Variants in PCDHGB2 observed in about 807,000 individuals in gnomAD.
PCDHGB2 encodes protocadherin gamma-B2.
Under a neutral mutation model 59.3 loss-of-function variants are expected in PCDHGB2, and 55 were observed. The ratio of observed to expected loss-of-function variants is 0.93; its 90% CI spans 0.75 to 1.16. PCDHGB2 has a LOEUF of 1.16. Ranked by LOEUF, PCDHGB2 falls within the 50% of genes most tolerant of loss-of-function variation. The probability of loss-of-function intolerance (pLI) is 0.00; values close to 1 mark genes in which losing one functional copy is unlikely to be tolerated. For synonymous variants in PCDHGB2, 516 were observed against 512.0 expected, an observed-to-expected ratio of 1.01 and a Z score of -0.11; for missense variants, 1,228 against 1,198.5, an observed-to-expected ratio of 1.02 and a Z score of -0.36.
At chr5:141,388,353 G>T in intron 1 of PCDHGB2, 1 of 1,613,976 alleles carries the variant, frequency 6.2e-7, no homozygotes, top group Non-Finnish European at 8.5e-7. Context: ...ATTAGGATCT[G>T]CCCATGATGC....
chr5:141,480,578 A>G (rs1343189182), intron 1 of PCDHGB2, among the ~76,000 whole-genome samples: 1 of 133,254 alleles, frequency 7.5e-6, no homozygotes, highest in Admixed American at 7.4e-5. Context: ...GCAAGAAATA[A>G]CTGCCGCTCT....
At chr5:141,409,104 T>C in intron 1 of PCDHGB2, 3 of 1,613,960 alleles carry the variant, frequency 1.9e-6, no homozygotes, top group Non-Finnish European at 2.5e-6. Context: ...ACAGGTATGA[T>C]TAAGAATAAC....
chr5:141,430,952 C>G, intron 1 of PCDHGB2: 2 of 1,610,382 alleles, frequency 1.2e-6, no homozygotes, highest in African/African-American at 2.7e-5. Flanking sequence ...GCGCGGAGTC[C>G]GCATCATCCC....
Position 141,477,176 on chromosome 5 carries a change from G to A in PCDHGB2, c.2422-17631G>A. ...GAATGACAACGCCCCGGAGATCACA[G>A]TCACCTCCGTGTACAGCCCAGTACC... On this transcript the variant is annotated intron_variant, in intron 1 of 3. Transcript: ENST00000522605. The surrounding 1 kb of genome is among the most constrained non-coding windows in gnomAD (Gnocchi z 4.9). 2 of 1,614,206 alleles carry A rather than the reference G, an allele frequency of 1.2e-6. No individual in the cohort carries two copies. Among genetic ancestry groups the A allele is most frequent in the Admixed American group, 1.7e-5 (1 of 60,024 alleles).
At chr5:141,370,896 C>G in intron 1 of PCDHGB2, 1 of 1,614,040 alleles carries the variant, frequency 6.2e-7, no homozygotes, top group Non-Finnish European at 8.5e-7. Context: ...CAATTCGCTG[C>G]AGCAGTACTA....
Position 141,361,183 on chromosome 5 carries a change from A to C in PCDHGB2, c.1048A>C (p.Thr350Pro), listed in dbSNP as rs1461203772. The C allele has an allele frequency of 1.2e-6, 2 of 1,613,944 alleles. No homozygotes were observed. The highest frequency in any genetic ancestry group is 1.7e-6 in the Non-Finnish European group (2 of 1,179,888). The change falls in exon 1 of 4, where the codon ACT (threonine) becomes CCT (proline). Residue 350 changes from threonine (T) to proline (P), a missense_variant. By Grantham distance (38) the Thr-to-Pro change is conservative. Around this residue, in one of 3 missense-constraint regions of PCDHGB2, gnomAD observed 781 missense variants for 721.6 expected, o/e 1.08. Coordinates refer to ENST00000522605, the MANE Select transcript of PCDHGB2 (RefSeq NM_018923.3). ...DNDCAPEVIVTSVSTPLPEDS... is the reference protein window; with the variant it reads ...DNDCAPEVIVPSVSTPLPEDS... ...CGATTGTGCACCTGAAGTTATTGTG[A>C]CTTCAGTATCTACTCCCCTACCGGA...
Position 141,490,151 on chromosome 5 carries a change from T to A in PCDHGB2, c.2422-4656T>A, listed in dbSNP as rs1449636059. 6.2e-6 allele frequency: 10 copies of A among 1,614,210 alleles called. No homozygotes were observed. The highest frequency in any genetic ancestry group is 8.5e-6 in the Non-Finnish European group (10 of 1,180,018). On this transcript the variant is annotated intron_variant, in intron 1 of 3. Transcript: ENST00000522605. This position sits in a 1 kb window ranked among gnomAD's most constrained non-coding sequence, Gnocchi z 5.4. ...GACCCTAGCAGTGGGGCAATCCATG[T>A]GTTGGGTCCCATAGACTTTGAGGAG... is the stretch of plus-strand genomic sequence containing the variant.
chr5:141,390,246 C>T (rs1401463493), intron 1 of PCDHGB2: 5 of 1,613,922 alleles, frequency 3.1e-6, no homozygotes, highest in African/African-American at 1.3e-5. Context: ...GGCCTTATTT[C>T]CACTTTGTAA....
chr5:141,395,070 T>G lies in PCDHGB2; in HGVS notation c.2421+32514T>G. Reference sequence around the variant, plus strand: ...GGAGGTACAGGCTTTCCTGCAGACCTATTCCCAGGAAGTCTCCCTCACCGC... The same window carrying G: ...GGAGGTACAGGCTTTCCTGCAGACCGATTCCCAGGAAGTCTCCCTCACCGC... On this transcript the variant is annotated intron_variant, in intron 1 of 3. Transcript: ENST00000522605. 1 of 1,614,158 alleles carries G rather than the reference T, an allele frequency of 6.2e-7. No homozygotes were observed. The highest frequency in any genetic ancestry group is 1.3e-5 in the African/African-American group (1 of 75,046).
chr5:141,393,041 T>G, intron 1 of PCDHGB2: 2 of 1,613,702 alleles, frequency 1.2e-6, no homozygotes, highest in Non-Finnish European at 1.7e-6. Flanking sequence ...AGCTCTTTGC[T>G]CTGAACCCGC....
chr5:141,478,987 G>T (rs1007857792), intron 1 of PCDHGB2, among the ~76,000 whole-genome samples: 8 of 152,144 alleles, frequency 5.3e-5, no homozygotes, highest in African/African-American at 1.4e-4. Flanking sequence ...TGTGACATTT[G>T]TATTAAAACT....
At chr5:141,395,110 G>A (rs2150602560) in intron 1 of PCDHGB2, 1 of 1,614,214 alleles carries the variant, frequency 6.2e-7, no homozygotes, top group Admixed American at 1.7e-5. Context: ...TCGCGGAAGA[G>A]TCACCTGATC....
rs2099746025 is a variant in PCDHGB2 at position 141,493,066 on chromosome 5, T to C, written c.2422-1741T>C. On this transcript the variant is annotated intron_variant, in intron 1 of 3. Coordinates refer to ENST00000522605, the MANE Select transcript of PCDHGB2 (RefSeq NM_018923.3). This position sits in a 1 kb window ranked among gnomAD's most constrained non-coding sequence, Gnocchi z 4.3. ...AACTACAATAGTAAAAAACACAAGT[T>C]TCTCCAACTCCAGGAGCTTTTATTC... Among the ~76,000 whole-genome samples the C allele has an allele frequency of 6.6e-6, 1 of 152,202 alleles. No homozygotes were observed. Among genetic ancestry groups the C allele is most frequent in the East Asian group, 1.9e-4 (1 of 5,194 alleles).
At chr5:141,366,316 TGCCGTG>T in intron 1 of PCDHGB2, 1 of 1,613,764 alleles carries the variant, frequency 6.2e-7, no homozygotes, top group African/African-American at 1.3e-5. Context: ...CGGTCACCGT[TGCCGTG>T]GCCGACAGGA....
Position 141,418,384 on chromosome 5 carries a change from C to T in PCDHGB2, c.2421+55828C>T, listed in dbSNP as rs774636792. 5 of 1,613,982 alleles carry T rather than the reference C, an allele frequency of 3.1e-6. No homozygotes were observed. In the South Asian group the frequency reaches 4.4e-5, roughly 14 times the overall value. ...TGAGCAAATACCAACTAAGTCCTAA[C>T]GAGTATTTCTCATTGGTGGAGAAAG... is the stretch of plus-strand genomic sequence containing the variant. On this transcript the variant is annotated intron_variant, in intron 1 of 3. Coordinates refer to ENST00000522605, the MANE Select transcript of PCDHGB2 (RefSeq NM_018923.3).
At position 141,489,264 on chromosome 5, in the gene PCDHGB2, G is replaced by T. The variant is rs1314393358; in HGVS notation, c.2422-5543G>T. 10 of 1,553,088 alleles carry T rather than the reference G, an allele frequency of 6.4e-6. No individual in the cohort carries two copies. Among genetic ancestry groups the T allele is most frequent in the Non-Finnish European group, 7.0e-6 (8 of 1,149,620 alleles). ...TCATGGGGCCCAAGACACTCCCACA[G>T]CTCGCTGGGAAATGGCAAGTGCTGT... On this transcript the variant is annotated intron_variant, in intron 1 of 3. Transcript: ENST00000522605. The surrounding 1 kb of genome is among the most constrained non-coding windows in gnomAD (Gnocchi z 4.5).
chr5:141,423,299 C>T (rs1225422770), intron 1 of PCDHGB2: 2 of 1,614,128 alleles, frequency 1.2e-6, no homozygotes, highest in Non-Finnish European at 1.7e-6. Context: ...TCAGACCTCT[C>T]GCTGTACTTG....
chr5:141,412,215 C>T (rs1265657058), intron 1 of PCDHGB2: 1 of 152,240 alleles, frequency 6.6e-6, no homozygotes, highest in Non-Finnish European at 1.5e-5. Flanking sequence ...GACATAAACA[C>T]TTACTTGTTA....
chr5:141,477,262 C>A lies in PCDHGB2; in HGVS notation c.2422-17545C>A, dbSNP rs60063068. 1.2e-5 allele frequency: 19 copies of A among 1,614,020 alleles called. No homozygotes were observed. The East Asian group carries it at 4.2e-4, about 36-fold the overall frequency. On this transcript the variant is annotated intron_variant, in intron 1 of 3. Transcript: ENST00000522605. This position sits in a 1 kb window ranked among gnomAD's most constrained non-coding sequence, Gnocchi z 4.9. ...TCAGTGTGACTGACCTGGATGCTGG[C>A]GAGAACGGGCTGGTGACCTGCGAAG...
Sources: gnomAD v4.1 joint callset for allele counts (sites outside exome capture counted in the v4.1 genomes callset) on GRCh38, gnomAD v4.1.1 for gene constraint, gnomAD v4.1.1 regional missense constraint, Gnocchi (gnomAD v3.1) non-coding constraint, MANE v1.5 for transcripts, NCBI Gene and HGNC (gene_info 2026-07-23, HGNC 2026-07-21) for gene names.